Variants in GRID2 observed in about 807,000 individuals in gnomAD.
GRID2 encodes glutamate ionotropic receptor delta type subunit 2, also known as glutamate receptor ionotropic, delta-2.
GRID2 carries 33 observed loss-of-function variants against 114.8 expected under a neutral mutation model. The observed-to-expected ratio is 0.29, with a 90% CI of 0.22 to 0.38. GRID2 has a LOEUF of 0.38. Ranked by LOEUF, GRID2 falls within the 10% of genes least tolerant of loss-of-function variation. The pLI, the probability that GRID2 is intolerant of heterozygous loss-of-function variation, is 1.00. For synonymous variants in GRID2, 505 were observed against 449.9 expected (o/e 1.12, Z -1.55); for missense variants, 1,184 against 1,257.7 (o/e 0.94, Z 0.89).
chr4:93,725,656 C>CT (rs1264838497), intron 14 of GRID2, among the ~76,000 whole-genome samples: 1 of 148,954 alleles, frequency 6.7e-6, no homozygotes, highest in Admixed American at 6.6e-5. Context: ...TGTTCCCTGA[C>CT]TTTTTAATGA....
intron 2 of GRID2, among the ~76,000 whole-genome samples, chr4:92,597,439 GC>G (rs1199461634): frequency 1.3e-5 from 2 of 152,048 alleles, no homozygotes; most frequent in East Asian, 3.9e-4. Context: ...TAATTTTATA[GC>G]CTTTGTGCTT....
At chr4:93,612,733 C>T (rs1276864179) in intron 13 of GRID2, among the ~76,000 whole-genome samples, 49 of 94,630 alleles carry the variant, frequency 5.2e-4, no homozygotes, top group African/African-American at 1.8e-3. Context: ...TTCTCTCTGG[C>T]TGCCCTTAAC....
At chr4:93,669,469 C>A (rs981069047) in intron 14 of GRID2, among the ~76,000 whole-genome samples, 1 of 148,810 alleles carries the variant, frequency 6.7e-6, no homozygotes, top group African/African-American at 2.5e-5. Context: ...TATTTTGGAA[C>A]CCTGCTGAAA....
At chr4:92,782,865 G>A (rs1037324645) in intron 2 of GRID2, among the ~76,000 whole-genome samples, 1 of 152,036 alleles carries the variant, frequency 6.6e-6, no homozygotes, top group Non-Finnish European at 1.5e-5. Context: ...ACTAAAAGAG[G>A]TGACAGAGGG....
chr4:92,869,188 C>T (rs755824530), intron 2 of GRID2, among the ~76,000 whole-genome samples: 1 of 152,134 alleles, frequency 6.6e-6, no homozygotes, highest in East Asian at 1.9e-4. Flanking sequence ...ACAGTAATTA[C>T]AGCTTACTGG....
chr4:92,554,873 G>C (rs967246869), intron 1 of GRID2, among the ~76,000 whole-genome samples: 1 of 152,026 alleles, frequency 6.6e-6, no homozygotes, highest in Non-Finnish European at 1.5e-5. Context: ...TTACTGGTTG[G>C]CCCTCAATTT....
chr4:92,991,534 G>T (rs1309749030), intron 2 of GRID2, among the ~76,000 whole-genome samples: 2 of 152,188 alleles, frequency 1.3e-5, no homozygotes, highest in Non-Finnish European at 2.9e-5. Flanking sequence ...AATAGAATGT[G>T]AATCGAATGT....
At chr4:93,804,585 CT>C (rs756414473) in intron 1 of GRID2, among the ~76,000 whole-genome samples, 1 of 152,114 alleles carries the variant, frequency 6.6e-6, no homozygotes, top group Non-Finnish European at 1.5e-5. Context: ...CCAAGACATC[CT>C]TATGCATCAT....
At chr4:93,108,982 T>C (rs1247469005) in intron 3 of GRID2, among the ~76,000 whole-genome samples, 1 of 152,166 alleles carries the variant, frequency 6.6e-6, no homozygotes, top group African/African-American at 2.4e-5. Context: ...CAAGCTTGTG[T>C]ATTTTTGATA....
At chr4:93,552,342 A>G (rs1342229271) in intron 13 of GRID2, among the ~76,000 whole-genome samples, 3 of 152,064 alleles carry the variant, frequency 2.0e-5, no homozygotes, top group East Asian at 3.9e-4. Context: ...ATAAACATAC[A>G]TGTGCCTGTG....
At chr4:92,645,770 CT>C (rs1731583384) in intron 2 of GRID2, among the ~76,000 whole-genome samples, 1 of 151,692 alleles carries the variant, frequency 6.6e-6, no homozygotes, top group Non-Finnish European at 1.5e-5. Flanking sequence ...GCTTTTGAGA[CT>C]TTCCCATGTT....
chr4:92,786,647 T>G (rs887564124), intron 2 of GRID2, among the ~76,000 whole-genome samples: 1 of 151,884 alleles, frequency 6.6e-6, no homozygotes, highest in African/African-American at 2.4e-5. Flanking sequence ...GATTTTAGGG[T>G]GCTGGCAATG....
At chr4:93,068,321 A>G (rs1464684039) in intron 2 of GRID2, among the ~76,000 whole-genome samples, 2 of 152,104 alleles carry the variant, frequency 1.3e-5, no homozygotes, top group African/African-American at 2.4e-5. Flanking sequence ...GTGTACAAGT[A>G]TGTGTAAAGT....
At chr4:93,253,761 A>G (rs937091458) in intron 8 of GRID2, among the ~76,000 whole-genome samples, 2 of 152,104 alleles carry the variant, frequency 1.3e-5, no homozygotes, top group Non-Finnish European at 2.9e-5. Context: ...ATTCTGAAGG[A>G]CCCTTTTTCA....
At chr4:93,531,002 A>G (rs1012119948) in intron 13 of GRID2, among the ~76,000 whole-genome samples, 7 of 152,160 alleles carry the variant, frequency 4.6e-5, no homozygotes, top group Admixed American at 1.3e-4. Context: ...GTACTTTTCA[A>G]TTCAGTTTAA....
At chr4:92,345,134 A>G (rs1263771730) in intron 1 of GRID2, among the ~76,000 whole-genome samples, 1 of 152,108 alleles carries the variant, frequency 6.6e-6, no homozygotes, top group Non-Finnish European at 1.5e-5. Flanking sequence ...AGAACATGTG[A>G]TGTTTGGTTT....
intron 2 of GRID2, among the ~76,000 whole-genome samples, chr4:92,766,661 GAAT>G (rs1366784948): frequency 1.3e-5 from 2 of 151,206 alleles, no homozygotes; most frequent in South Asian, 2.1e-4. Flanking sequence ...ATACATAAAA[GAAT>G]AATGCATTGC....
chr4:93,429,661 G>A (rs72884580), intron 10 of GRID2, among the ~76,000 whole-genome samples: 13,734 of 152,058 alleles, frequency 0.09, 1,579 homozygotes, highest in African/African-American at 0.27. Flanking sequence ...AACAATGGAA[G>A]AAAGCCAGAA....
rs185966531 is a variant in GRID2, at chr4:92,759,779, C to T, written c.244+169493C>T. 3.4e-3 allele frequency among the ~76,000 whole-genome samples: 516 copies of T among 150,168 alleles called. 1 individual carries two copies. The highest frequency in any genetic ancestry group is 5.5e-3 in the Non-Finnish European group (374 of 67,680). ...CCACCATGCCGGGCTTTTTTTTCTT[C>T]TTCTTCTTCTTTTTTTTTTTTGTAT... On this transcript the variant is annotated intron_variant, in intron 2 of 15. Transcript: ENST00000282020.
Sources: allele counts gnomAD v4.1 joint callset (sites outside exome capture counted in the v4.1 genomes callset), GRCh38; gene constraint gnomAD v4.1.1; transcripts MANE v1.5; gene names NCBI Gene and HGNC (gene_info 2026-07-23, HGNC 2026-07-21).